CTNNA2: variants seen among roughly 807,000 people sequenced by gnomAD.
The protein encoded by CTNNA2 is catenin alpha 2, also known as catenin alpha-2.
CTNNA2 carries 42 observed loss-of-function variants against 101.0 expected under a neutral mutation model. The ratio of observed to expected loss-of-function variants is 0.42; its 90% CI spans 0.32 to 0.54. The LOEUF (loss-of-function observed/expected upper bound fraction) is 0.54, where lower values mean the gene tolerates loss of function less well. Among genes scored for constraint, CTNNA2 ranks in the 20% least tolerant of loss-of-function variants. The pLI, the probability that CTNNA2 is intolerant of heterozygous loss-of-function variation, is 0.14. For missense variants in CTNNA2, 871 were observed against 1,223.1 expected (o/e 0.71, Z 4.29); for synonymous variants, 450 against 456.4 (o/e 0.99, Z 0.18).
intron 9 of CTNNA2, among the ~76,000 whole-genome samples, chr2:80,462,084 G>A (rs1413746991): frequency 6.6e-6 from 1 of 152,194 alleles, no homozygotes; most frequent in Admixed American, 6.5e-5. Context: ...TGCCTTAGAA[G>A]TCTAGGGAAT....
At chr2:80,562,083 A>G (rs1207542770) in intron 12 of CTNNA2, among the ~76,000 whole-genome samples, 3 of 137,562 alleles carry the variant, frequency 2.2e-5, no homozygotes, top group Admixed American at 7.2e-5. Context: ...AAATGTAAAC[A>G]TATCTGGAGA....
At chr2:79,222,494 C>A (rs7591951) in intron 2 of CTNNA2, among the ~76,000 whole-genome samples, 34,074 of 152,120 alleles carry the variant, frequency 0.22, 4,684 homozygotes, top group African/African-American at 0.39. Flanking sequence ...GCTGACCCAT[C>A]CAGCTTTCTA....
rs1037500354 is a variant in CTNNA2, at chr2:79,803,489, A to G, written c.299-54524A>G. ...CCGAATTAAAGGAATAGGTTGGGCT[A>G]GTTAACTGCAGCAGGGACACGCTCT... On this transcript the variant is annotated intron_variant, in intron 3 of 18. Transcript: ENST00000402739. 6.6e-5 allele frequency among the ~76,000 whole-genome samples: 10 copies of G among 152,266 alleles called. 1 individual carries two copies. In the East Asian group the frequency reaches 1.7e-3, roughly 26 times the overall value.
intron 4 of CTNNA2, among the ~76,000 whole-genome samples, chr2:79,383,668 G>C (rs975877554): frequency 5.3e-5 from 8 of 152,164 alleles, no homozygotes; most frequent in Admixed American, 1.3e-4. Context: ...CGAGCCCTAG[G>C]TGGTTTTGGG....
At chr2:79,820,090 G>A (rs1256570746) in intron 3 of CTNNA2, among the ~76,000 whole-genome samples, 1 of 133,510 alleles carries the variant, frequency 7.5e-6, no homozygotes, top group Non-Finnish European at 1.6e-5. Flanking sequence ...TATGTAATAT[G>A]TGATTTTAAA....
At chr2:80,112,164 C>T (rs1007926009) in intron 7 of CTNNA2, among the ~76,000 whole-genome samples, 21 of 152,058 alleles carry the variant, frequency 1.4e-4, no homozygotes, top group African/African-American at 5.1e-4. Flanking sequence ...GGGGTGGGGC[C>T]TCATCTGGCT....
chr2:80,303,694 C>A lies in CTNNA2; in HGVS notation c.1057-89517C>A, dbSNP rs186584392. 30,095 of 1,609,896 alleles carry A rather than the reference C, an allele frequency of 0.019. 392 individuals carry two copies. The highest frequency in any genetic ancestry group is 0.02 in the Non-Finnish European group (23,668 of 1,177,720). ...ACAGCAGCCGCCCCTCGCACCGGCA[C>A]AGCTGCGGGCACCCGCTGGGGGCGG... On this transcript the variant is annotated intron_variant, in intron 7 of 18. Coordinates refer to ENST00000402739, the MANE Select transcript of CTNNA2 (RefSeq NM_001282597.3). This position sits in a 1 kb window ranked among gnomAD's most constrained non-coding sequence, Gnocchi z 7.7.
chr2:80,537,844 C>T (rs1054945936), intron 9 of CTNNA2, among the ~76,000 whole-genome samples: 3 of 152,138 alleles, frequency 2.0e-5, no homozygotes, highest in Non-Finnish European at 4.4e-5. Context: ...CCACTCAACT[C>T]GGCCTCCCAA....
At chr2:79,369,283 C>T (rs943603687) in intron 3 of CTNNA2, among the ~76,000 whole-genome samples, 2 of 152,184 alleles carry the variant, frequency 1.3e-5, no homozygotes, top group African/African-American at 4.8e-5. Context: ...CCCCAAACTT[C>T]AGATGTCAGC....
intron 7 of CTNNA2, among the ~76,000 whole-genome samples, chr2:80,019,882 C>T (rs1172504226): frequency 6.6e-6 from 1 of 152,190 alleles, no homozygotes; most frequent in African/African-American, 2.4e-5. Context: ...TATGGAGTAA[C>T]TATAGTCTCT....
rs72912735 is a variant in CTNNA2 at position 79,778,194 on chromosome 2, A to G, written c.298+33612A>G. 3.9e-5 allele frequency among the ~76,000 whole-genome samples: 6 copies of G among 151,964 alleles called. No homozygotes were observed. In the South Asian group the frequency reaches 1.2e-3, roughly 32 times the overall value. The stretch of plus-strand genomic sequence containing the variant: ...CTGTCTCTACTAAAAATACAAAAAA[A>G]AATTAACCGAGTATGGTGGCACATG... On this transcript the variant is annotated intron_variant, in intron 3 of 18. Transcript: ENST00000402739.
At chr2:79,290,115 G>T (rs1028331786) in intron 2 of CTNNA2, among the ~76,000 whole-genome samples, 65 of 152,104 alleles carry the variant, frequency 4.3e-4, no homozygotes, top group African/African-American at 1.5e-3. Context: ...AGTTTACACC[G>T]TAGGCTCTTA....
At chr2:79,596,083 A>T (rs1677172347) in intron 1 of CTNNA2, among the ~76,000 whole-genome samples, 1 of 151,850 alleles carries the variant, frequency 6.6e-6, no homozygotes, top group Non-Finnish European at 1.5e-5. Flanking sequence ...ACAATCATTC[A>T]TGAATTTCAA....
intron 2 of CTNNA2, among the ~76,000 whole-genome samples, chr2:79,706,009 A>G (rs1685331857): frequency 6.6e-6 from 1 of 152,162 alleles, no homozygotes; most frequent in Admixed American, 6.5e-5. Flanking sequence ...CATTCTTGGT[A>G]AAGATAACTG....
At chr2:79,191,426 C>A (rs1299128524) in intron 1 of CTNNA2, among the ~76,000 whole-genome samples, 3 of 152,154 alleles carry the variant, frequency 2.0e-5, no homozygotes, top group Non-Finnish European at 4.4e-5. Flanking sequence ...TAGTCCTCAG[C>A]CTCAACTTTG....
At chr2:79,832,348 T>A (rs1218565461) in intron 3 of CTNNA2, among the ~76,000 whole-genome samples, 1 of 152,240 alleles carries the variant, frequency 6.6e-6, no homozygotes. Context: ...AAGCATTTAC[T>A]AATCCTGTGC....
At chr2:80,325,784 G>T (rs1679186237) in intron 7 of CTNNA2, among the ~76,000 whole-genome samples, 2 of 152,172 alleles carry the variant, frequency 1.3e-5, no homozygotes, top group Non-Finnish European at 2.9e-5. Flanking sequence ...TTATAGATTT[G>T]CAAAATTTGA....
chr2:79,726,930 G>T (rs77144983), intron 2 of CTNNA2, among the ~76,000 whole-genome samples: 1 of 152,016 alleles, frequency 6.6e-6, no homozygotes, highest in Admixed American at 6.5e-5. Context: ...AAAGTGAGTC[G>T]GTTTTAAATA....
intron 7 of CTNNA2, among the ~76,000 whole-genome samples, chr2:80,327,507 C>T (rs919572504): frequency 6.6e-6 from 1 of 150,606 alleles, no homozygotes; most frequent in Non-Finnish European, 1.5e-5. Context: ...GAAACAGTAA[C>T]AGTAACATAC....
Sources: allele counts gnomAD v4.1 joint callset (sites outside exome capture counted in the v4.1 genomes callset), GRCh38; gene constraint gnomAD v4.1.1; non-coding constraint Gnocchi (gnomAD v3.1); transcripts MANE v1.5; gene names NCBI Gene and HGNC (gene_info 2026-07-23, HGNC 2026-07-21).